PDGFD: variants seen among roughly 807,000 people sequenced by gnomAD.
PDGFD encodes the protein platelet derived growth factor D.
A neutral mutation model predicts 44.7 loss-of-function variants in PDGFD; 30 were observed. The ratio of observed to expected loss-of-function variants is 0.67; its 90% CI spans 0.50 to 0.91. The LOEUF (loss-of-function observed/expected upper bound fraction) is 0.91. Ranked by LOEUF, PDGFD falls within the 40% of genes least tolerant of loss-of-function variation. The pLI is 0.00. For synonymous variants in PDGFD, 173 were observed against 168.4 expected (o/e 1.03, Z -0.21); for missense variants, 445 against 457.8 (o/e 0.97, Z 0.25).
At chr11:104,124,308 T>C (rs1470394493) in intron 1 of PDGFD, among the ~76,000 whole-genome samples, 1 of 152,058 alleles carries the variant, frequency 6.6e-6, no homozygotes, top group African/African-American at 2.4e-5. Context: ...TTCTAGGAGG[T>C]ATACTCCATT....
At chr11:104,089,103 T>C (rs1591158011) in intron 1 of PDGFD, among the ~76,000 whole-genome samples, 1 of 152,180 alleles carries the variant, frequency 6.6e-6, no homozygotes, top group African/African-American at 2.4e-5. Flanking sequence ...TCAGACACTG[T>C]CTTTAAACAT....
chr11:104,135,274 A>C (rs1311760607), intron 1 of PDGFD, among the ~76,000 whole-genome samples: 3 of 152,212 alleles, frequency 2.0e-5, no homozygotes, highest in African/African-American at 7.2e-5. Context: ...GTAAGCCAAA[A>C]GGCCTGGGGC....
intron 3 of PDGFD, among the ~76,000 whole-genome samples, chr11:103,959,931 C>T (rs73614267): frequency 0.019 from 2,843 of 152,138 alleles, 88 homozygotes; most frequent in African/African-American, 0.065. Flanking sequence ...TTAGTTCATG[C>T]GTATGGGCAT....
At chr11:104,048,343 A>G (rs926034102) in intron 1 of PDGFD, among the ~76,000 whole-genome samples, 1 of 151,834 alleles carries the variant, frequency 6.6e-6, no homozygotes, top group Non-Finnish European at 1.5e-5. Flanking sequence ...AGATAGAGCG[A>G]AACATTCAAG....
intron 1 of PDGFD, among the ~76,000 whole-genome samples, chr11:104,002,165 C>T (rs970953293): frequency 1.3e-5 from 2 of 152,142 alleles, no homozygotes; most frequent in African/African-American, 4.8e-5. Context: ...TTTTCCCTTC[C>T]CTTGATCTTA....
intron 1 of PDGFD, among the ~76,000 whole-genome samples, chr11:104,138,404 T>C (rs1193524064): frequency 1.3e-5 from 2 of 152,230 alleles, no homozygotes; most frequent in East Asian, 3.9e-4. Context: ...CCTGGTTAGA[T>C]TAATTTTGTT....
intron 1 of PDGFD, among the ~76,000 whole-genome samples, chr11:104,119,559 A>T (rs1268557321): frequency 1.1e-5 from 1 of 87,820 alleles, no homozygotes; most frequent in African/African-American, 5.0e-5. Context: ...TATTGATATA[A>T]TATATAATAT....
chr11:103,957,199 G>A (rs556690234), intron 3 of PDGFD, among the ~76,000 whole-genome samples: 95 of 152,086 alleles, frequency 6.2e-4, no homozygotes, highest in Non-Finnish European at 1.2e-3. Context: ...TAGGTCTAAC[G>A]TTTAAGTCTT....
At chr11:104,118,770 T>C (rs1396843135) in intron 1 of PDGFD, among the ~76,000 whole-genome samples, 1 of 113,886 alleles carries the variant, frequency 8.8e-6, no homozygotes, top group Non-Finnish European at 1.7e-5. Context: ...TTATAAATAT[T>C]AATATATAAT....
chr11:103,974,503 C>T (rs929666451), intron 3 of PDGFD, among the ~76,000 whole-genome samples: 2 of 152,074 alleles, frequency 1.3e-5, no homozygotes, highest in African/African-American at 2.4e-5. Context: ...GATACATGTG[C>T]AGAATGTGCA....
intron 1 of PDGFD, among the ~76,000 whole-genome samples, chr11:104,009,410 G>C (rs1204658898): frequency 6.7e-6 from 1 of 149,002 alleles, no homozygotes; most frequent in Non-Finnish European, 1.5e-5. Context: ...ATCAAAATCA[G>C]TCCTGTGTCT....
intron 3 of PDGFD, among the ~76,000 whole-genome samples, chr11:103,975,604 CTAGGTTTTAGGTTT>C: frequency 6.6e-6 from 1 of 152,124 alleles, no homozygotes; most frequent in South Asian, 2.1e-4. Flanking sequence ...AGGTTTTCTT[CTAGGTTTTAGGTTT>C]TAGGTTTTAG....
chr11:103,992,999 C>T (rs1320523800), intron 3 of PDGFD, among the ~76,000 whole-genome samples: 4 of 152,234 alleles, frequency 2.6e-5, no homozygotes, highest in East Asian at 1.9e-4. Flanking sequence ...GACCTATGAT[C>T]TATCCTAACA....
intron 1 of PDGFD, among the ~76,000 whole-genome samples, chr11:104,064,079 T>C (rs748721455): frequency 2.6e-5 from 4 of 152,214 alleles, no homozygotes; most frequent in Non-Finnish European, 5.9e-5. Flanking sequence ...AAGATGTCAG[T>C]GATGTAAATA....
intron 2 of PDGFD, among the ~76,000 whole-genome samples, 185 bp from the exon 3 acceptor site, chr11:103,996,430 C>T (rs1022092179): frequency 2.0e-5 from 3 of 152,284 alleles, no homozygotes; most frequent in Non-Finnish European, 4.4e-5. Context: ...ATTCAAGCTT[C>T]AGTAATCTAT....
chr11:104,052,258 A>G (rs916486146), intron 1 of PDGFD, among the ~76,000 whole-genome samples: 1 of 152,198 alleles, frequency 6.6e-6, no homozygotes, highest in African/African-American at 2.4e-5. Flanking sequence ...AAAGTATGAC[A>G]AGGACATTCA....
intron 6 of PDGFD, among the ~76,000 whole-genome samples, chr11:103,919,502 C>CTTTTT (rs71037206): frequency 8.2e-4 from 73 of 88,760 alleles, no homozygotes; most frequent in African/African-American, 1.5e-3. Context: ...AAGATTCTTC[C>CTTTTT]TTTTTTTTTT....
intron 1 of PDGFD, among the ~76,000 whole-genome samples, chr11:104,141,083 T>C (rs1862078370): frequency 6.6e-6 from 1 of 152,212 alleles, no homozygotes; most frequent in South Asian, 2.1e-4. Context: ...CGGTGCTCAC[T>C]GATGACAGGT....
intron 1 of PDGFD, among the ~76,000 whole-genome samples, chr11:104,100,335 C>T (rs1203344196): frequency 3.9e-5 from 6 of 152,244 alleles, no homozygotes; most frequent in South Asian, 2.1e-4. Flanking sequence ...ACTATAAACA[C>T]GTCTACGCAA....
Sources: allele counts gnomAD v4.1 joint callset (sites outside exome capture counted in the v4.1 genomes callset), GRCh38; gene constraint gnomAD v4.1.1; transcripts MANE v1.5; gene names NCBI Gene and HGNC (gene_info 2026-07-23, HGNC 2026-07-21).